Variants in FAM107B observed in about 807,000 individuals in gnomAD.
FAM107B encodes the protein protein FAM107B.
Under a neutral mutation model 31.5 loss-of-function variants are expected in FAM107B, and 21 were observed. The observed-to-expected ratio is 0.67, with a 90% CI of 0.47 to 0.96. FAM107B has a LOEUF of 0.96. FAM107B is among the 40% of genes least tolerant of loss of function. FAM107B has a pLI of 0.00. For missense variants in FAM107B, 452 were observed against 377.1 expected, an observed-to-expected ratio of 1.20 and a Z score of -1.64; for synonymous variants, 157 against 141.5, an observed-to-expected ratio of 1.11 and a Z score of -0.78.
intron 1 of FAM107B, among the ~76,000 whole-genome samples, chr10:14,725,579 A>G (rs926982075): frequency 6.6e-6 from 1 of 151,332 alleles, no homozygotes; most frequent in Non-Finnish European, 1.5e-5. Context: ...TTCTGATTGT[A>G]TCCTCACATG....
chr10:14,536,454 G>A (rs998802854), intron 2 of FAM107B, among the ~76,000 whole-genome samples: 2 of 152,184 alleles, frequency 1.3e-5, no homozygotes, highest in Non-Finnish European at 2.9e-5. Context: ...GTAAGGTGGA[G>A]GCGGCAAACT....
At chr10:14,710,738 A>T (rs142879626) in intron 1 of FAM107B, among the ~76,000 whole-genome samples, 1 of 152,184 alleles carries the variant, frequency 6.6e-6, no homozygotes, top group Non-Finnish European at 1.5e-5. Context: ...AAATTTTTTT[A>T]AAAAGAAACA....
chr10:14,673,869 T>C (rs988486753), intron 1 of FAM107B, among the ~76,000 whole-genome samples: 4 of 152,236 alleles, frequency 2.6e-5, no homozygotes, highest in African/African-American at 9.6e-5. Context: ...TGATTAGTGA[T>C]GTGGAGCATT....
chr10:14,640,035 T>A (rs931864413), intron 2 of FAM107B, among the ~76,000 whole-genome samples: 6 of 152,238 alleles, frequency 3.9e-5, no homozygotes, highest in Non-Finnish European at 8.8e-5. Context: ...CTCTCAGAGA[T>A]CCCATCTGTA....
At chr10:14,542,879 A>G (rs1354758040) in intron 2 of FAM107B, among the ~76,000 whole-genome samples, 1 of 152,232 alleles carries the variant, frequency 6.6e-6, no homozygotes, top group East Asian at 1.9e-4. Flanking sequence ...GTCTGGTGAG[A>G]AATAGATATA....
chr10:14,647,078 G>A (rs913198451), intron 2 of FAM107B, among the ~76,000 whole-genome samples: 2 of 152,082 alleles, frequency 1.3e-5, no homozygotes, highest in African/African-American at 4.8e-5. Flanking sequence ...ACAAGTGTGA[G>A]CCACTGTGCC....
chr10:14,554,826 T>C (rs7908439), intron 2 of FAM107B, among the ~76,000 whole-genome samples: 73,134 of 152,034 alleles, frequency 0.48, 17,805 homozygotes, highest in South Asian at 0.63. Context: ...CAGCGATGGG[T>C]GGTCAATGAA....
At chr10:14,693,451 C>T (rs1169177114) in intron 1 of FAM107B, among the ~76,000 whole-genome samples, 2 of 149,180 alleles carry the variant, frequency 1.3e-5, no homozygotes, top group African/African-American at 5.0e-5. Flanking sequence ...GCACTCCAGC[C>T]TCGGCGACAG....
intron 2 of FAM107B, among the ~76,000 whole-genome samples, chr10:14,636,326 TGA>T (rs150271632): frequency 2.4e-4 from 34 of 140,780 alleles, no homozygotes; most frequent in African/African-American, 4.5e-4. Context: ...AGAGAGCAAG[TGA>T]GAGAGAGAGA....
chr10:14,524,166 C>T (rs1057020157), intron 3 of FAM107B, among the ~76,000 whole-genome samples: 6 of 152,066 alleles, frequency 3.9e-5, no homozygotes, highest in African/African-American at 1.2e-4. Context: ...CTCAGCCTCC[C>T]GAGGAGCTGG....
At chr10:14,648,071 A>C (rs559263769) in intron 2 of FAM107B, among the ~76,000 whole-genome samples, 4 of 152,312 alleles carry the variant, frequency 2.6e-5, no homozygotes, top group Middle Eastern at 3.4e-3. Flanking sequence ...TGCCAAAAAA[A>C]AAAAGTATTC....
At chr10:14,763,472 G>A (rs1205242220) in intron 1 of FAM107B, among the ~76,000 whole-genome samples, 1 of 152,138 alleles carries the variant, frequency 6.6e-6, no homozygotes, top group African/African-American at 2.4e-5. Flanking sequence ...ATTGTTAGAG[G>A]CTACCAATAT....
At chr10:14,614,800 T>C (rs1311596497) in intron 2 of FAM107B, among the ~76,000 whole-genome samples, 2 of 151,608 alleles carry the variant, frequency 1.3e-5, no homozygotes, top group East Asian at 3.9e-4. Context: ...GGAGAGGATG[T>C]GATGGGCACC....
chr10:14,528,412 C>A (rs1219762851), intron 3 of FAM107B, among the ~76,000 whole-genome samples: 4 of 152,068 alleles, frequency 2.6e-5, no homozygotes, highest in African/African-American at 4.8e-5. Context: ...AAACTCCTGA[C>A]CTCAGTGGAT....
chr10:14,702,486 A>C (rs1215921790), intron 1 of FAM107B, among the ~76,000 whole-genome samples: 1 of 152,166 alleles, frequency 6.6e-6, no homozygotes, highest in Non-Finnish European at 1.5e-5. Context: ...AGCTGAGATT[A>C]CAGGCACACA....
intron 1 of FAM107B, among the ~76,000 whole-genome samples, chr10:14,668,944 A>G (rs997711669): frequency 6.6e-6 from 1 of 152,174 alleles, no homozygotes; most frequent in East Asian, 1.9e-4. Flanking sequence ...AGAGTGAAAA[A>G]ATTGAATTCA....
At chr10:14,755,779 G>T (rs1346643595) in intron 1 of FAM107B, among the ~76,000 whole-genome samples, 1 of 152,128 alleles carries the variant, frequency 6.6e-6, no homozygotes, top group African/African-American at 2.4e-5. Flanking sequence ...TATCATGAAA[G>T]GCTCCAAATT....
chr10:14,753,272 T>A (rs144714051), intron 1 of FAM107B, among the ~76,000 whole-genome samples: 1 of 152,200 alleles, frequency 6.6e-6, no homozygotes, highest in East Asian at 1.9e-4. Context: ...CATAAAAAGT[T>A]TTTATGATCA....
Position 14,530,418 on chromosome 10 carries a change from G to A in FAM107B, c.567C>T (p.Leu189=). 1.9e-6 allele frequency: 3 copies of A among 1,614,092 alleles called. No individual in the cohort carries two copies. Among genetic ancestry groups the A allele is most frequent in the South Asian group, 2.2e-5 (2 of 91,084 alleles). ...PDYIEDDNPE[L]IRPQKLINPV... The stretch of plus-strand genomic sequence containing the variant: ...GATTGATCAGTTTCTGAGGCCTAAT[G>A]AGTTCAGGATTGTCATCTTCTATGT... Residue 189 remains leucine (L), a synonymous_variant, in exon 3 of 5, where the codon CTC becomes CTT. Coordinates refer to ENST00000181796, the MANE Select transcript of FAM107B (RefSeq NM_031453.4).
Sources: allele counts gnomAD v4.1 joint callset (sites outside exome capture counted in the v4.1 genomes callset), GRCh38; gene constraint gnomAD v4.1.1; transcripts MANE v1.5; gene names NCBI Gene and HGNC (gene_info 2026-07-23, HGNC 2026-07-21).